Variants in XKR9 observed in about 807,000 individuals in gnomAD.
XKR9 encodes XK related 9, also known as XK-related protein 9.
XKR9 carries 32 observed loss-of-function variants against 32.0 expected under a neutral mutation model. The ratio of observed to expected loss-of-function variants is 1.00; its 90% confidence interval spans 0.76 to 1.34. The LOEUF (loss-of-function observed/expected upper bound fraction) is 1.34, where lower values mean the gene tolerates loss of function less well. Among genes scored for constraint, XKR9 ranks in the 40% most tolerant of loss-of-function variants. The pLI, the probability that XKR9 is intolerant of heterozygous loss-of-function variation, is 0.00. For missense variants in XKR9, 546 were observed against 429.7 expected (o/e 1.27, Z -2.39); for synonymous variants, 168 against 143.4 (o/e 1.17, Z -1.22).
chr8:71,011,986 C>A, the XKR9 span, among the ~76,000 whole-genome samples: 4 of 151,956 alleles, frequency 2.6e-5, no homozygotes, highest in African/African-American at 9.7e-5. Context: ...AGCTGGTATC[C>A]CACCCTACCA....
chr8:70,902,404 T>G, the XKR9 span, among the ~76,000 whole-genome samples: 5 of 152,310 alleles, frequency 3.3e-5, no homozygotes, highest in African/African-American at 9.6e-5. Context: ...TATTTTATTC[T>G]CTTTGAAGCA....
At chr8:71,060,499 A>G in the XKR9 span, among the ~76,000 whole-genome samples, 1 of 152,188 alleles carries the variant, frequency 6.6e-6, no homozygotes, top group Non-Finnish European at 1.5e-5. Flanking sequence ...CTGCTGAGCT[A>G]TTGGCTGGGT....
intron 2 of XKR9, among the ~76,000 whole-genome samples, chr8:70,678,299 A>G (rs780614350): frequency 5.3e-5 from 8 of 152,160 alleles, no homozygotes; most frequent in Non-Finnish European, 1.2e-4. Flanking sequence ...TTAATTGACT[A>G]TATTTTGAAT....
the XKR9 span, among the ~76,000 whole-genome samples, chr8:70,965,569 TGTCTG>T: frequency 6.6e-6 from 1 of 152,308 alleles, no homozygotes; most frequent in Admixed American, 6.5e-5. Context: ...GCTGTAAATC[TGTCTG>T]GTCCTGGGTT....
the XKR9 span, among the ~76,000 whole-genome samples, chr8:70,930,576 C>T: frequency 2.6e-5 from 4 of 152,050 alleles, no homozygotes; most frequent in African/African-American, 9.7e-5. Flanking sequence ...TGTTCTAAAC[C>T]AGAAAAAAAT....
chr8:71,009,250 C>G, the XKR9 span, among the ~76,000 whole-genome samples: 1 of 152,124 alleles, frequency 6.6e-6, no homozygotes, highest in East Asian at 1.9e-4. Context: ...GCAGCCCAGA[C>G]GGCTTTGAAT....
the XKR9 span, among the ~76,000 whole-genome samples, chr8:70,824,182 G>A: frequency 1.3e-5 from 2 of 152,178 alleles, no homozygotes; most frequent in African/African-American, 4.8e-5. Flanking sequence ...CAGCCATTGT[G>A]TATTTTAGAA....
chr8:70,971,100 G>A, the XKR9 span, among the ~76,000 whole-genome samples: 1 of 152,182 alleles, frequency 6.6e-6, no homozygotes, highest in Admixed American at 6.5e-5. Flanking sequence ...CAGTGTAAAT[G>A]TGTTTCCTTT....
intron 2 of XKR9, among the ~76,000 whole-genome samples, chr8:70,769,966 C>T (rs1190300092): frequency 6.6e-6 from 1 of 152,058 alleles, no homozygotes; most frequent in African/African-American, 2.4e-5. Flanking sequence ...ATTCTCCATC[C>T]AGTTGTGTTC....
At chr8:70,845,256 A>G in the XKR9 span, among the ~76,000 whole-genome samples, 2 of 152,188 alleles carry the variant, frequency 1.3e-5, no homozygotes, top group Non-Finnish European at 2.9e-5. Flanking sequence ...GTCCTACCCA[A>G]CCAACACTAT....
At chr8:71,040,150 A>T in the XKR9 span, among the ~76,000 whole-genome samples, 2 of 152,208 alleles carry the variant, frequency 1.3e-5, no homozygotes, top group Non-Finnish European at 2.9e-5. Flanking sequence ...ATGTGAGAAA[A>T]AGCGAGTGAC....
chr8:70,992,696 G>A, the XKR9 span, among the ~76,000 whole-genome samples: 4 of 152,334 alleles, frequency 2.6e-5, no homozygotes, highest in East Asian at 5.8e-4. Context: ...CTAGTAACAA[G>A]TTCTGTCTTC....
At chr8:70,747,552 C>A (rs1379861480) in intron 2 of XKR9, among the ~76,000 whole-genome samples, 1 of 152,150 alleles carries the variant, frequency 6.6e-6, no homozygotes, top group Non-Finnish European at 1.5e-5. Flanking sequence ...GAGTTCCCAC[C>A]AGCAAGAAGG....
chr8:71,063,981 T>C, the XKR9 span, among the ~76,000 whole-genome samples: 13 of 152,232 alleles, frequency 8.5e-5, no homozygotes, highest in Non-Finnish European at 1.6e-4. Flanking sequence ...TCTTCTTTTA[T>C]GGGTCATTCA....
intron 1 of XKR9, among the ~76,000 whole-genome samples, chr8:70,671,614 G>A (rs1939742866): frequency 1.3e-5 from 1 of 79,708 alleles, no homozygotes; most frequent in African/African-American, 3.8e-5. Context: ...ATAGTTTACT[G>A]AGAATGATGG....
intron 2 of XKR9, among the ~76,000 whole-genome samples, chr8:70,784,765 T>A (rs1807661293): frequency 6.6e-6 from 1 of 152,166 alleles, no homozygotes; most frequent in African/African-American, 2.4e-5. Flanking sequence ...TAGGCATCCT[T>A]GTCTTGTTCC....
At chr8:70,934,135 T>C in the XKR9 span, among the ~76,000 whole-genome samples, 2 of 152,088 alleles carry the variant, frequency 1.3e-5, no homozygotes, top group African/African-American at 4.8e-5. Context: ...ATTGTGTGGA[T>C]ATTATAATAA....
the XKR9 span, among the ~76,000 whole-genome samples, chr8:70,920,307 C>T: frequency 6.6e-6 from 1 of 151,950 alleles, no homozygotes; most frequent in Non-Finnish European, 1.5e-5. Context: ...TAATGATAAA[C>T]AAAATTTAGT....
the XKR9 span, among the ~76,000 whole-genome samples, chr8:70,881,358 C>A: frequency 3.3e-5 from 5 of 152,132 alleles, no homozygotes; most frequent in South Asian, 8.3e-4. Context: ...GAAAATTTTT[C>A]CAATCTACCC....
Sources: gnomAD v4.1 joint callset for allele counts (sites outside exome capture counted in the v4.1 genomes callset) on GRCh38, gnomAD v4.1.1 for gene constraint, MANE v1.5 for transcripts, NCBI Gene and HGNC (gene_info 2026-07-23, HGNC 2026-07-21) for gene names.